NCAM2: variants seen among roughly 807,000 people sequenced by gnomAD.
NCAM2 encodes N-CAM-2.
In NCAM2, 30 loss-of-function variants were observed where a neutral mutation model predicts 98.1. The observed-to-expected ratio is 0.31, with a 90% CI of 0.23 to 0.41. The LOEUF (loss-of-function observed/expected upper bound fraction) is 0.41, where lower values mean the gene tolerates loss of function less well. Ranked by LOEUF, NCAM2 falls within the 10% of genes least tolerant of loss-of-function variation. The pLI, the probability that NCAM2 is intolerant of heterozygous loss-of-function variation, is 1.00. For synonymous variants in NCAM2, 368 were observed against 342.4 expected (o/e 1.07, Z -0.83); for missense variants, 867 against 1,005.8 (o/e 0.86, Z 1.87).
At chr21:21,094,391 C>A (rs1320827446) in intron 1 of NCAM2, among the ~76,000 whole-genome samples, 2 of 151,614 alleles carry the variant, frequency 1.3e-5, no homozygotes, top group African/African-American at 2.4e-5. Flanking sequence ...CCTAAAACAT[C>A]CTTCAAAAAA....
chr21:21,307,480 A>T (rs1250545157), intron 5 of NCAM2, among the ~76,000 whole-genome samples: 1 of 152,208 alleles, frequency 6.6e-6, no homozygotes, highest in Non-Finnish European at 1.5e-5. Flanking sequence ...ATTAATAATT[A>T]GGTCAGAAGT....
chr21:21,012,634 G>C (rs748345472), intron 1 of NCAM2, among the ~76,000 whole-genome samples: 71 of 152,132 alleles, frequency 4.7e-4, no homozygotes, highest in Non-Finnish European at 9.1e-4. Flanking sequence ...CTTACCTGAA[G>C]TTGGGAAATA....
At chr21:21,034,475 G>T (rs930865167) in intron 1 of NCAM2, among the ~76,000 whole-genome samples, 1 of 152,016 alleles carries the variant, frequency 6.6e-6, no homozygotes, top group Non-Finnish European at 1.5e-5. Flanking sequence ...CAGGCACAAA[G>T]GCTGATACTC....
At chr21:21,260,944 C>A (rs573890185) in intron 1 of NCAM2, among the ~76,000 whole-genome samples, 339 of 152,220 alleles carry the variant, frequency 2.2e-3, no homozygotes, top group African/African-American at 7.9e-3. Flanking sequence ...CAACCACCAT[C>A]TTTTGCCTTC....
intron 1 of NCAM2, chr21:21,210,519 A>G (rs1383222633): frequency 1.6e-6 from 2 of 1,283,896 alleles, no homozygotes; most frequent in Non-Finnish European, 1.0e-6. Context: ...TAAGAGACTT[A>G]AAGAACAATT....
intron 1 of NCAM2, among the ~76,000 whole-genome samples, chr21:21,058,889 G>A (rs972832824): frequency 6.6e-6 from 1 of 151,902 alleles, no homozygotes; most frequent in Non-Finnish European, 1.5e-5. Flanking sequence ...ATTTCTATTA[G>A]ACTGTTTTTG....
chr21:21,476,889 C>T (rs1985241108), intron 14 of NCAM2, among the ~76,000 whole-genome samples: 2 of 151,816 alleles, frequency 1.3e-5, no homozygotes. Flanking sequence ...TAACAATAGT[C>T]CCTGGCAATT....
intron 1 of NCAM2, among the ~76,000 whole-genome samples, chr21:21,117,462 T>C (rs563752080): frequency 4.6e-5 from 7 of 152,286 alleles, no homozygotes; most frequent in Middle Eastern, 3.4e-3. Context: ...GCACAACAGC[T>C]AAAATATGAA....
At chr21:21,161,801 G>A (rs2067794681) in intron 1 of NCAM2, among the ~76,000 whole-genome samples, 4 of 152,062 alleles carry the variant, frequency 2.6e-5, no homozygotes, top group Admixed American at 6.6e-5. Context: ...GGTGCACTTA[G>A]TACGTAATTG....
intron 16 of NCAM2, among the ~76,000 whole-genome samples, chr21:21,529,769 T>C (rs1485608672): frequency 6.6e-6 from 1 of 151,842 alleles, no homozygotes; most frequent in African/African-American, 2.4e-5. Flanking sequence ...TCTGTGTTAA[T>C]ATTAATAAAA....
chr21:21,165,532 C>A (rs1387543990), intron 1 of NCAM2, among the ~76,000 whole-genome samples: 2 of 152,100 alleles, frequency 1.3e-5, no homozygotes, highest in Non-Finnish European at 2.9e-5. Flanking sequence ...CATACTCTTA[C>A]CAGGGAGAAT....
intron 12 of NCAM2, among the ~76,000 whole-genome samples, chr21:21,462,542 A>G (rs1602413784): frequency 1.3e-5 from 2 of 152,032 alleles, no homozygotes; most frequent in African/African-American, 4.8e-5. Context: ...TGGTTCTCTA[A>G]TAAAAAGAGA....
chr21:21,071,863 ATGTCTGCC>A (rs1476169995), intron 1 of NCAM2, among the ~76,000 whole-genome samples: 8 of 138,028 alleles, frequency 5.8e-5, no homozygotes, highest in African/African-American at 2.0e-4. Flanking sequence ...ATTATTTGTC[ATGTCTGCC>A]TATCTATCTA....
chr21:21,399,058 C>A (rs903012999), intron 9 of NCAM2, among the ~76,000 whole-genome samples: 1 of 152,026 alleles, frequency 6.6e-6, no homozygotes, highest in African/African-American at 2.4e-5. Flanking sequence ...CAAGAGGTGA[C>A]CAAGGGTGGC....
intron 1 of NCAM2, among the ~76,000 whole-genome samples, chr21:21,011,743 G>T (rs901922280): frequency 1.3e-5 from 2 of 151,954 alleles, no homozygotes; most frequent in African/African-American, 4.8e-5. Flanking sequence ...CTGATAAGGG[G>T]TTAACATCCA....
At chr21:21,188,943 A>G (rs1437703424) in intron 1 of NCAM2, among the ~76,000 whole-genome samples, 1 of 152,202 alleles carries the variant, frequency 6.6e-6, no homozygotes, top group East Asian at 1.9e-4. Flanking sequence ...ACAAAGTATA[A>G]AAGTAAGGCA....
intron 12 of NCAM2, among the ~76,000 whole-genome samples, chr21:21,449,717 A>G (rs771436354): frequency 5.9e-5 from 9 of 152,048 alleles, no homozygotes; most frequent in East Asian, 3.8e-4. Flanking sequence ...GGAGGGGTAT[A>G]GAGCCATTCC....
At chr21:21,033,422 C>T (rs2064730640) in intron 1 of NCAM2, among the ~76,000 whole-genome samples, 1 of 152,176 alleles carries the variant, frequency 6.6e-6, no homozygotes, top group South Asian at 2.1e-4. Context: ...TATTAGCTTG[C>T]ATATATAGTC....
At chr21:21,130,221 T>C (rs2066906590) in intron 1 of NCAM2, among the ~76,000 whole-genome samples, 2 of 152,212 alleles carry the variant, frequency 1.3e-5, no homozygotes, top group South Asian at 2.1e-4. Context: ...TGGAATAGTG[T>C]TAACATTATA....
Sources: gnomAD v4.1 joint callset for allele counts (sites outside exome capture counted in the v4.1 genomes callset) on GRCh38, gnomAD v4.1.1 for gene constraint, MANE v1.5 for transcripts, NCBI Gene and HGNC (gene_info 2026-07-23, HGNC 2026-07-21) for gene names.